The following CACNA2D3 variants were observed in gnomAD, a reference collection of about 807,000 sequenced individuals.
The protein encoded by CACNA2D3 is calcium voltage-gated channel auxiliary subunit alpha2delta 3.
In CACNA2D3, 60 loss-of-function variants were observed where a neutral mutation model predicts 160.6. The ratio of observed to expected loss-of-function variants is 0.37; its 90% CI spans 0.30 to 0.46. The LOEUF is 0.46. CACNA2D3 is among the 20% of genes least tolerant of loss of function. The pLI is 1.00. For missense variants in CACNA2D3, 1,205 were observed against 1,365.0 expected (o/e 0.88, Z 1.85); for synonymous variants, 558 against 492.9 (o/e 1.13, Z -1.75).
At chr3:54,656,434 G>T (rs559785826) in intron 11 of CACNA2D3, among the ~76,000 whole-genome samples, 1 of 152,340 alleles carries the variant, frequency 6.6e-6, no homozygotes, top group South Asian at 2.1e-4. Flanking sequence ...CTGGCAGTCA[G>T]AAACTGCCCA....
chr3:54,320,820 A>G (rs1703971655), intron 3 of CACNA2D3, among the ~76,000 whole-genome samples: 6 of 152,222 alleles, frequency 3.9e-5, no homozygotes, highest in Admixed American at 2.6e-4. Flanking sequence ...ACAGCCATAC[A>G]ACGTGGGCCT....
chr3:54,363,387 T>C (rs1024051232), intron 3 of CACNA2D3, among the ~76,000 whole-genome samples: 4 of 152,168 alleles, frequency 2.6e-5, no homozygotes, highest in Non-Finnish European at 2.9e-5. Flanking sequence ...TGTCATCATA[T>C]GGGGCCCCAG....
intron 3 of CACNA2D3, among the ~76,000 whole-genome samples, chr3:54,325,625 C>T (rs541066171): frequency 9.9e-5 from 15 of 152,090 alleles, no homozygotes; most frequent in Admixed American, 1.3e-4. Flanking sequence ...GGTTTCAGAG[C>T]GGGAAGGAGC....
intron 2 of CACNA2D3, among the ~76,000 whole-genome samples, chr3:54,218,689 G>A (rs1475920094): frequency 2.6e-5 from 4 of 152,164 alleles, no homozygotes; most frequent in African/African-American, 9.7e-5. Context: ...TAGTTCTAAA[G>A]GTGAGAAGTC....
intron 4 of CACNA2D3, among the ~76,000 whole-genome samples, chr3:54,452,029 A>G (rs1228891344): frequency 6.6e-6 from 1 of 152,194 alleles, no homozygotes; most frequent in Non-Finnish European, 1.5e-5. Context: ...TTAATGCCTC[A>G]CTAGAAGTAC....
chr3:54,515,402 TGC>T (rs10575652), intron 5 of CACNA2D3, among the ~76,000 whole-genome samples: 150,968 of 152,310 alleles, frequency 0.99, 74,834 homozygotes, highest in Middle Eastern at 1. Flanking sequence ...GTTACAAAGC[TGC>T]GCCCATCTAC....
At chr3:54,286,552 A>G (rs1463515622) in intron 2 of CACNA2D3, among the ~76,000 whole-genome samples, 2 of 152,248 alleles carry the variant, frequency 1.3e-5, no homozygotes, top group Non-Finnish European at 2.9e-5. Context: ...AGGCAGGCCA[A>G]TATTCAGATT....
At chr3:54,798,375 A>C (rs1486593635) in intron 13 of CACNA2D3, among the ~76,000 whole-genome samples, 1 of 152,118 alleles carries the variant, frequency 6.6e-6, no homozygotes, top group Non-Finnish European at 1.5e-5. Context: ...TGTACTAAAA[A>C]TACCAAAAAA....
intron 11 of CACNA2D3, among the ~76,000 whole-genome samples, chr3:54,654,240 C>G (rs931763100): frequency 1.3e-5 from 2 of 152,132 alleles, no homozygotes; most frequent in African/African-American, 2.4e-5. Flanking sequence ...AGGCAGAACC[C>G]CAGAATCTGT....
chr3:54,463,658 G>T (rs998529395), intron 4 of CACNA2D3, among the ~76,000 whole-genome samples: 1 of 152,092 alleles, frequency 6.6e-6, no homozygotes, highest in Non-Finnish European at 1.5e-5. Flanking sequence ...GGTTATTCTA[G>T]TTATACATTC....
chr3:54,162,095 G>A (rs1374431300), intron 2 of CACNA2D3, among the ~76,000 whole-genome samples: 2 of 152,204 alleles, frequency 1.3e-5, no homozygotes, highest in South Asian at 2.1e-4. Flanking sequence ...AGGACACTGG[G>A]CCAGAGGCTG....
chr3:54,623,644 A>T (rs1219994432), intron 9 of CACNA2D3, among the ~76,000 whole-genome samples: 2 of 152,122 alleles, frequency 1.3e-5, no homozygotes, highest in African/African-American at 4.8e-5. Flanking sequence ...AGGAAGGTCC[A>T]TTTTAACCCC....
At chr3:54,172,999 G>A (rs780912395) in intron 2 of CACNA2D3, among the ~76,000 whole-genome samples, 5 of 152,182 alleles carry the variant, frequency 3.3e-5, no homozygotes, top group South Asian at 4.1e-4. Context: ...CCCAGTTTTA[G>A]CACTGAAAGT....
chr3:54,779,288 G>A (rs562053774), intron 13 of CACNA2D3, among the ~76,000 whole-genome samples: 16 of 152,176 alleles, frequency 1.1e-4, no homozygotes, highest in Non-Finnish European at 1.9e-4. Context: ...TAGTAGAGAC[G>A]AGGTTTCACC....
At chr3:54,234,283 A>G (rs544241604) in intron 2 of CACNA2D3, among the ~76,000 whole-genome samples, 1 of 152,330 alleles carries the variant, frequency 6.6e-6, no homozygotes, top group African/African-American at 2.4e-5. Flanking sequence ...AACTACATTG[A>G]GATACCATCT....
chr3:54,289,484 A>G (rs1703125459), intron 2 of CACNA2D3, among the ~76,000 whole-genome samples: 1 of 151,932 alleles, frequency 6.6e-6, no homozygotes, highest in South Asian at 2.1e-4. Flanking sequence ...CATACTGCCC[A>G]AGGTAATTTA....
intron 2 of CACNA2D3, among the ~76,000 whole-genome samples, chr3:54,213,815 A>C (rs1701418692): frequency 6.6e-6 from 1 of 152,232 alleles, no homozygotes; most frequent in South Asian, 2.1e-4. Flanking sequence ...GAGGGAGATT[A>C]TTTATGTTCA....
intron 4 of CACNA2D3, among the ~76,000 whole-genome samples, chr3:54,458,676 G>A (rs1196827552): frequency 1.3e-5 from 2 of 151,882 alleles, no homozygotes; most frequent in Non-Finnish European, 2.9e-5. Context: ...TCTGTTGGAG[G>A]TTTCTGAGCT....
chr3:54,160,515 A>C, intron 2 of CACNA2D3, among the ~76,000 whole-genome samples: 1 of 152,160 alleles, frequency 6.6e-6, no homozygotes, highest in Non-Finnish European at 1.5e-5. Flanking sequence ...AAATAAAATA[A>C]AATAAAATAA....
Sources: gnomAD v4.1 joint callset for allele counts (sites outside exome capture counted in the v4.1 genomes callset) on GRCh38, gnomAD v4.1.1 for gene constraint, MANE v1.5 for transcripts, NCBI Gene and HGNC (gene_info 2026-07-23, HGNC 2026-07-21) for gene names.